The following SYS1 variants were observed in gnomAD, a reference collection of about 807,000 sequenced individuals.
SYS1 encodes the protein protein SYS1 homolog.
A neutral mutation model predicts 17.8 loss-of-function variants in SYS1; 8 were observed. That is an observed-to-expected ratio of 0.45 (90% CI 0.26 to 0.81). SYS1 has a LOEUF of 0.81. SYS1 is among the 40% of genes least tolerant of loss of function. The probability of loss-of-function intolerance (pLI) is 0.16; values close to 1 mark genes in which losing one functional copy is unlikely to be tolerated. For synonymous variants in SYS1, 95 were observed against 90.9 expected (o/e 1.05, Z -0.26); for missense variants, 161 against 203.9 (o/e 0.79, Z 1.28).
chr20:45,367,013 A>G lies in SYS1; in HGVS notation c.369A>G (p.Gln123=). The part of the protein sequence containing the change: ...FPSALTWWLV[Q]AVCIALMAVI... ...CGGCGCTGACCTGGTGGCTGGTCCA[A>G]GCCGTGTGCATTGCACTCATGGCTG... Residue 123 remains glutamine (Q), a synonymous_variant, in exon 4 of 4, where the codon CAA becomes CAG. Transcript: ENST00000243918. The G allele has an allele frequency of 6.2e-7, 1 of 1,614,166 alleles. No individual in the cohort carries two copies. The highest frequency in any genetic ancestry group is 8.5e-7 in the Non-Finnish European group (1 of 1,180,036).
chr20:45,367,088 C>T lies in SYS1; in HGVS notation c.444C>T (p.Leu148=). 7 of 1,614,198 alleles carry T rather than the reference C, an allele frequency of 4.3e-6. No homozygotes were observed. The highest frequency in any genetic ancestry group is 5.9e-6 in the Non-Finnish European group (7 of 1,180,040). ...GGACGGAGCTCAAGGAGATACCCCT[C>T]AACTCAGCCCCTAAATCCAATGTCT... ...CMRTELKEIP[L]NSAPKSNV The change falls in exon 4 of 4, where the codon CTC becomes CTT. Residue 148 remains leucine (L), a synonymous_variant. Coordinates refer to ENST00000243918, the MANE Select transcript of SYS1 (RefSeq NM_033542.4).
chr20:45,375,570 G>C (rs2145368172), exon 4 of SYS1: 1 of 1,596,574 alleles, frequency 6.3e-7, no homozygotes, highest in South Asian at 1.1e-5. Flanking sequence ...GGAGAGGAAA[G>C]GCAGTCAGCA....
At chr20:45,374,706 C>T (rs1372738087) in exon 4 of SYS1, 2 of 439,032 alleles carry the variant, frequency 4.6e-6, no homozygotes, top group Non-Finnish European at 8.1e-6. Flanking sequence ...AATCCTTAAA[C>T]CCACTTATGT....
At chr20:45,374,322 G>T in exon 4 of SYS1, 1 of 688,576 alleles carries the variant, frequency 1.5e-6, no homozygotes, top group South Asian at 1.5e-5. Context: ...GCCCAGGCTG[G>T]AGTGCAGTGG....
In SYS1 at chr20:45,368,514, T is replaced by C; in HGVS notation, c.*1399T>C. ...ACAAATGAGTTTATGGTAACACAAATGAGTTTTGCTATCTCTCTGAGAAGC... is the reference window on the plus strand; with the variant it reads ...ACAAATGAGTTTATGGTAACACAAACGAGTTTTGCTATCTCTCTGAGAAGC... On this transcript the variant is annotated 3_prime_UTR_variant, in exon 4 of 4. Coordinates refer to ENST00000243918, the MANE Select transcript of SYS1 (RefSeq NM_033542.4). The C allele has an allele frequency of 3.0e-6, 3 of 985,450 alleles. No individual in the cohort carries two copies. The highest frequency in any genetic ancestry group is 3.6e-6 in the Non-Finnish European group (3 of 829,940). The allele number at this position is 985,450 out of a possible 1,614,324, so 61.0% of individuals were successfully genotyped here.
upstream of SYS1, among the ~76,000 whole-genome samples, chr20:45,362,340 A>C (rs1249731942): frequency 7.4e-6 from 1 of 134,358 alleles, no homozygotes; most frequent in African/African-American, 2.9e-5. Context: ...TTGAGGAAAC[A>C]CTTGAATTTT....
In SYS1 at chr20:45,367,570, TC is replaced by T; in HGVS notation, c.*456del. On this transcript the variant is annotated 3_prime_UTR_variant, in exon 4 of 4. Transcript: ENST00000243918. ...TGCAGTGTTGCCGAATCACAGCAGT[TC>T]TGTTGGAGAAACGCTTGGTTTCCGG... 1 of 996,080 alleles carries T rather than the reference TC, an allele frequency of 1.0e-6. No homozygotes were observed. The allele number at this position is 996,080 out of a possible 1,614,324, so 61.7% of individuals were successfully genotyped here. A position where few individuals can be genotyped will look rare whatever the true frequency, so the allele number is the denominator to read the frequency against.
chr20:45,375,762 A>G (rs1988712571), exon 4 of SYS1: 12 of 600,788 alleles, frequency 2.0e-5, no homozygotes, highest in Non-Finnish European at 3.5e-5. Context: ...GGTGAAAGCC[A>G]TGACTAGTAG....
chr20:45,376,314 A>T (rs546749326), exon 4 of SYS1: 34 of 152,346 alleles, frequency 2.2e-4, no homozygotes, highest in African/African-American at 7.7e-4. Flanking sequence ...GCGTGGAGAG[A>T]GATGAGGCCT....
chr20:45,370,197 G>C (rs1402409178), downstream of SYS1, among the ~76,000 whole-genome samples: 3 of 152,204 alleles, frequency 2.0e-5, no homozygotes, highest in African/African-American at 7.2e-5. Flanking sequence ...AAAGTGCTGG[G>C]ATTACAGGCA....
At chr20:45,375,006 C>T (rs1016766733) in exon 4 of SYS1, 5 of 1,593,346 alleles carry the variant, frequency 3.1e-6, no homozygotes, top group South Asian at 1.1e-5. Flanking sequence ...GCTTGCATCT[C>T]ACCTAGCCTG....
chr20:45,374,280 T>C, intron 3 of SYS1: 1 of 698,222 alleles, frequency 1.4e-6, no homozygotes, highest in Admixed American at 2.0e-5. Context: ...TTTTTTCCTT[T>C]CTTTTTTTTT....
At chr20:45,376,192 C>A (rs976661176) in exon 4 of SYS1, 1 of 152,158 alleles carries the variant, frequency 6.6e-6, no homozygotes, top group Admixed American at 6.5e-5. Flanking sequence ...GAAAGAGGAG[C>A]CCAGAAAGGT....
chr20:45,365,688 T>C lies in SYS1; in HGVS notation c.230+2T>C. On this transcript the variant is annotated splice_donor_variant, in intron 3 of 3. Coordinates refer to ENST00000243918, the MANE Select transcript of SYS1 (RefSeq NM_033542.4). LOFTEE classifies it high-confidence loss of function. Reference sequence around the variant, plus strand: ...CTTCATCCTCAACGCCCTCACCTGGTGAGTATCACCAGTTTTGCTATCCAG... The same window carrying C: ...CTTCATCCTCAACGCCCTCACCTGGCGAGTATCACCAGTTTTGCTATCCAG... The C allele has an allele frequency of 6.2e-7, 1 of 1,614,034 alleles. No individual in the cohort carries two copies. The highest frequency in any genetic ancestry group is 8.5e-7 in the Non-Finnish European group (1 of 1,179,916).
upstream of SYS1, chr20:45,363,145 C>T: frequency 9.8e-7 from 1 of 1,022,284 alleles, no homozygotes; most frequent in Non-Finnish European, 1.2e-6. Flanking sequence ...CTGCTTTCCC[C>T]GGAAACGTTT....
chr20:45,364,122 A>G (rs1988322545), intron 2 of SYS1, among the ~76,000 whole-genome samples: 2 of 152,344 alleles, frequency 1.3e-5, no homozygotes, highest in East Asian at 3.9e-4. Flanking sequence ...GACCTGGGGC[A>G]AATGTCACCT....
In SYS1 at chr20:45,375,145, G is replaced by A. The variant is rs2231623; in HGVS notation, c.*851G>A. 1,458 of 1,614,150 alleles carry A rather than the reference G, an allele frequency of 9.0e-4. 32 individuals are homozygous for A. The East Asian group carries it at 0.023, about 25-fold the overall frequency. On this transcript the variant is annotated 3_prime_UTR_variant, in exon 4 of 4. Transcript: ENST00000426004. ...GGATCTGCACATCACCCTGGGCGCC[G>A]GGAGGTGGATTCGTGTGGGCAGCCC...
At chr20:45,371,717 C>T (rs952632800), downstream of SYS1, among the ~76,000 whole-genome samples, 12 of 152,140 alleles carry the variant, frequency 7.9e-5, no homozygotes, top group African/African-American at 1.7e-4. Flanking sequence ...TGAATGTAAA[C>T]GTACGTTTGG....
In SYS1 at chr20:45,363,696, AG is replaced by A. The variant is rs1988303812; in HGVS notation, c.162+6del. ...TGGACCAGATGTTCGACGCCGAGGT[AG>A]GGTCCCCGGACTGGGGCGGGTGGGG... On this transcript the variant is annotated splice_donor_region_variant and intron_variant, in intron 2 of 3. Coordinates refer to ENST00000243918, the MANE Select transcript of SYS1 (RefSeq NM_033542.4). 9.6e-6 allele frequency: 15 copies of A among 1,559,976 alleles called. No individual in the cohort carries two copies. The South Asian group carries it at 1.8e-4, about 18-fold the overall frequency.
Sources: gnomAD v4.1 joint callset for allele counts (sites outside exome capture counted in the v4.1 genomes callset) on GRCh38, gnomAD v4.1.1 for gene constraint, MANE v1.5 for transcripts, NCBI Gene and HGNC (gene_info 2026-07-23, HGNC 2026-07-21) for gene names.